The following FYN variants were observed in gnomAD, a reference collection of about 807,000 sequenced individuals.
The protein encoded by FYN is FYN proto-oncogene, Src family tyrosine kinase, also known as tyrosine-protein kinase Fyn.
FYN carries 10 observed loss-of-function variants against 70.2 expected under a neutral mutation model. That is an observed-to-expected ratio of 0.14 (90% CI 0.09 to 0.24). The LOEUF (loss-of-function observed/expected upper bound fraction) is 0.24. Among genes scored for constraint, FYN ranks in the 10% least tolerant of loss-of-function variants. FYN has a pLI of 1.00. For synonymous variants in FYN, 236 were observed against 248.6 expected, an observed-to-expected ratio of 0.95 and a Z score of 0.48; for missense variants, 319 against 673.1, an observed-to-expected ratio of 0.47 and a Z score of 5.82.
intron 2 of FYN, among the ~76,000 whole-genome samples, chr6:111,797,665 C>CATATATATATATATAT (rs57984132): frequency 2.2e-5 from 2 of 90,844 alleles, no homozygotes; most frequent in Non-Finnish European, 5.3e-5. Flanking sequence ...ATCAAAGTTT[C>CATATATATATATATAT]ATATATATAT....
intron 1 of FYN, among the ~76,000 whole-genome samples, chr6:111,853,143 A>G (rs1182058531): frequency 6.6e-6 from 1 of 152,184 alleles, no homozygotes; most frequent in Non-Finnish European, 1.5e-5. Flanking sequence ...AAGACAATAG[A>G]TTCCCTAGAA....
chr6:111,865,292 A>G (rs939754814), intron 1 of FYN, among the ~76,000 whole-genome samples: 2 of 152,214 alleles, frequency 1.3e-5, no homozygotes, highest in Non-Finnish European at 2.9e-5. Context: ...AAGGAGACCC[A>G]AGTCAGGCTT....
At chr6:111,745,445 C>T (rs909414536) in intron 3 of FYN, among the ~76,000 whole-genome samples, 8 of 152,018 alleles carry the variant, frequency 5.3e-5, no homozygotes, top group South Asian at 2.1e-4. Context: ...AAAGGGGGTG[C>T]GCAAGGGGAT....
chr6:111,804,270 A>C (rs1001093296), intron 2 of FYN, among the ~76,000 whole-genome samples: 2 of 152,128 alleles, frequency 1.3e-5, no homozygotes, highest in Non-Finnish European at 2.9e-5. Context: ...GTGATCATAA[A>C]ACCCTCAGAT....
At chr6:111,667,703 C>T (rs1008624458) in intron 13 of FYN, among the ~76,000 whole-genome samples, 3 of 152,232 alleles carry the variant, frequency 2.0e-5, no homozygotes, top group African/African-American at 7.2e-5. Flanking sequence ...TAACAAAATA[C>T]CTCAACATTC....
At chr6:111,687,750 C>A (rs1339449786) in intron 12 of FYN, among the ~76,000 whole-genome samples, 2 of 152,130 alleles carry the variant, frequency 1.3e-5, no homozygotes, top group Non-Finnish European at 2.9e-5. Context: ...TCAGTGTTGG[C>A]TTTGTGCCAA....
chr6:111,753,818 G>A (rs1393398712), intron 3 of FYN, among the ~76,000 whole-genome samples: 2 of 152,138 alleles, frequency 1.3e-5, no homozygotes, highest in African/African-American at 2.4e-5. Context: ...CATTAGCTCC[G>A]GCCTCACTTA....
chr6:111,811,212 T>C (rs1481800374), intron 2 of FYN, among the ~76,000 whole-genome samples: 1 of 152,210 alleles, frequency 6.6e-6, no homozygotes, highest in Non-Finnish European at 1.5e-5. Context: ...TATGATTTCA[T>C]TTATGAATTT....
chr6:111,681,140 G>C (rs905128188), intron 12 of FYN, among the ~76,000 whole-genome samples: 2 of 150,432 alleles, frequency 1.3e-5, no homozygotes, highest in Non-Finnish European at 2.9e-5. Context: ...CAATTCTCCT[G>C]TCTCAGCCTC....
chr6:111,709,494 T>C (rs1310701878), intron 5 of FYN, among the ~76,000 whole-genome samples: 2 of 152,170 alleles, frequency 1.3e-5, no homozygotes, highest in Admixed American at 1.3e-4. Flanking sequence ...GTGGCATAAG[T>C]AACAGAATAG....
intron 5 of FYN, among the ~76,000 whole-genome samples, chr6:111,709,788 G>A (rs374466631): frequency 6.6e-6 from 1 of 152,086 alleles, no homozygotes; most frequent in Non-Finnish European, 1.5e-5. Context: ...GAGCTAGATC[G>A]TTACCAACTG....
intron 3 of FYN, among the ~76,000 whole-genome samples, chr6:111,737,370 T>C (rs971383178): frequency 5.3e-5 from 8 of 152,234 alleles, no homozygotes; most frequent in African/African-American, 1.4e-4. Flanking sequence ...TATGTGCTTC[T>C]AACCCACCGG....
intron 3 of FYN, among the ~76,000 whole-genome samples, chr6:111,720,773 C>A (rs1240085853): frequency 2.6e-5 from 4 of 152,158 alleles, no homozygotes; most frequent in South Asian, 4.1e-4. Context: ...TAGCTTTTGA[C>A]ATCCTTCAAA....
intron 2 of FYN, among the ~76,000 whole-genome samples, chr6:111,805,043 G>A (rs777946683): frequency 2.8e-4 from 43 of 151,880 alleles, no homozygotes; most frequent in Non-Finnish European, 5.9e-4. Context: ...CTTTCTAACA[G>A]GCCTCCCCTT....
chr6:111,733,378 G>C (rs987312143), intron 3 of FYN, among the ~76,000 whole-genome samples: 6 of 152,190 alleles, frequency 3.9e-5, no homozygotes, highest in Non-Finnish European at 5.9e-5. Flanking sequence ...TAATACGCTT[G>C]CATCTTCTAC....
chr6:111,744,534 A>T (rs1345634048), intron 3 of FYN, among the ~76,000 whole-genome samples: 1 of 152,176 alleles, frequency 6.6e-6, no homozygotes, highest in Non-Finnish European at 1.5e-5. Flanking sequence ...CTTTTCCAGC[A>T]ATTATTTGAT....
chr6:111,775,684 C>T (rs897922395), intron 3 of FYN, among the ~76,000 whole-genome samples: 1 of 152,204 alleles, frequency 6.6e-6, no homozygotes, highest in African/African-American at 2.4e-5. Context: ...ATTTCGTGTG[C>T]ATAAGCACCG....
At chr6:111,735,911 C>A (rs1246128606) in intron 3 of FYN, among the ~76,000 whole-genome samples, 1 of 152,192 alleles carries the variant, frequency 6.6e-6, no homozygotes, top group African/African-American at 2.4e-5. Flanking sequence ...ATATAAGTGA[C>A]ATTATCTGAG....
At chr6:111,760,892 G>A (rs550005896) in intron 3 of FYN, among the ~76,000 whole-genome samples, 3 of 152,152 alleles carry the variant, frequency 2.0e-5, no homozygotes, top group East Asian at 1.9e-4. Context: ...GTCTGCCCTC[G>A]GCCTTCTCCC....
Sources: allele counts gnomAD v4.1 joint callset (sites outside exome capture counted in the v4.1 genomes callset), GRCh38; gene constraint gnomAD v4.1.1; transcripts MANE v1.5; gene names NCBI Gene and HGNC (gene_info 2026-07-23, HGNC 2026-07-21).